Variants in BARD1 observed in about 807,000 individuals in gnomAD.
BARD1 encodes the protein BRCA1 associated RING domain 1.
BARD1 carries 73 observed loss-of-function variants against 77.0 expected under a neutral mutation model. The observed-to-expected ratio is 0.95, with a 90% confidence interval of 0.79 to 1.15. The LOEUF is 1.15. Among genes scored for constraint, BARD1 ranks in the 50% most tolerant of loss-of-function variants. BARD1 has a pLI of 0.00. For synonymous variants in BARD1, 384 were observed against 338.0 expected, an observed-to-expected ratio of 1.14 and a Z score of -1.49; for missense variants, 993 against 938.8, an observed-to-expected ratio of 1.06 and a Z score of -0.75.
rs1444375563 is a variant in BARD1, at chr2:214,792,369, T to C, written c.292A>G (p.Asn98Asp). Reference protein sequence around the residue: ...TPAWIQDLKINRQLDSMIQLC... With the variant: ...TPAWIQDLKIDRQLDSMIQLC... ...TGAATCATGCTGTCCAGTTGTCTAT[T>C]TATCTTCAAGTCTTGTATCCAGGCC... Residue 98 changes from asparagine to aspartate, a missense_variant, in exon 3 of 11, where the codon AAT becomes GAT. By Grantham distance (23) the Asn-to-Asp change is conservative (BLOSUM62 1). Coordinates refer to ENST00000260947, the MANE Select transcript of BARD1 (RefSeq NM_000465.4). 2 of 1,613,328 alleles carry C rather than the reference T, an allele frequency of 1.2e-6. No homozygotes were observed. Among genetic ancestry groups the C allele is most frequent in the Non-Finnish European group, 8.5e-7 (1 of 1,179,774 alleles).
intron 3 of BARD1, 45 bp from the exon 4 acceptor site, chr2:214,781,554 G>T: frequency 6.6e-7 from 1 of 1,521,646 alleles, no homozygotes. Context: ...GAAATTTATT[G>T]CTCCCACATG....
At chr2:214,735,981 C>A (rs1435066666) in intron 9 of BARD1, among the ~76,000 whole-genome samples, 2 of 151,940 alleles carry the variant, frequency 1.3e-5, no homozygotes, top group African/African-American at 4.8e-5. Context: ...GCTCTCAGAT[C>A]TCTCTCCCCC....
chr2:214,733,376 A>G lies in BARD1; in HGVS notation c.1904-2868T>C, dbSNP rs139685956. On this transcript the variant is annotated intron_variant, in intron 9 of 10. Coordinates refer to ENST00000260947, the MANE Select transcript of BARD1 (RefSeq NM_000465.4). Reference sequence around the variant, plus strand: ...CATATACGCTTTATACAGATAAAGCATATATGAAGATAATTTTATATACTA... The same window carrying G: ...CATATACGCTTTATACAGATAAAGCGTATATGAAGATAATTTTATATACTA... Among the ~76,000 whole-genome samples, 548 of 152,338 alleles carry G rather than the reference A, an allele frequency of 3.6e-3. 4 individuals carry two copies. Among genetic ancestry groups the G allele is most frequent in the African/African-American group, 0.012 (492 of 41,578 alleles).
chr2:214,746,690 T>C (rs1693133571), intron 7 of BARD1, among the ~76,000 whole-genome samples: 1 of 152,156 alleles, frequency 6.6e-6, no homozygotes. Flanking sequence ...TAAGATGATG[T>C]AACCACATCT....
Position 214,754,574 on chromosome 2 carries a change from G to C in BARD1, c.1569-2019C>G, listed in dbSNP as rs16852627. Among the ~76,000 whole-genome samples the C allele has an allele frequency of 1.6e-3, 246 of 152,276 alleles. 1 individual carries two copies. The highest frequency in any genetic ancestry group is 5.6e-3 in the African/African-American group (232 of 41,576). On this transcript the variant is annotated intron_variant, in intron 6 of 10. Transcript: ENST00000260947. ...CTTCTCAAAGTACCACCATCAGCTAGGGAGGAATATAAACCAAAAATCAGC... is the reference window on the plus strand; with the variant it reads ...CTTCTCAAAGTACCACCATCAGCTACGGAGGAATATAAACCAAAAATCAGC...
At chr2:214,736,006 A>G (rs550531981) in intron 9 of BARD1, among the ~76,000 whole-genome samples, 1 of 152,144 alleles carries the variant, frequency 6.6e-6, no homozygotes, top group Non-Finnish European at 1.5e-5. Flanking sequence ...TTTTAATATG[A>G]AAGTCATATT....
chr2:214,775,741 T>C (rs1290064263), intron 4 of BARD1, among the ~76,000 whole-genome samples: 9 of 152,206 alleles, frequency 5.9e-5, no homozygotes, highest in Non-Finnish European at 1.0e-4. Context: ...ACCTGGTCAA[T>C]GGCACAATAA....
At chr2:214,756,719 A>C (rs2106048861) in intron 6 of BARD1, among the ~76,000 whole-genome samples, 1 of 152,340 alleles carries the variant, frequency 6.6e-6, no homozygotes, top group South Asian at 2.1e-4. Flanking sequence ...TAGGTGACGT[A>C]ACTCAGGAGG....
Position 214,745,569 on chromosome 2 carries a change from T to G in BARD1, c.1810+153A>C, listed in dbSNP as rs189754693. The G allele has an allele frequency of 2.3e-4, 208 of 891,638 alleles. 1 individual carries two copies. In the African/African-American group the frequency reaches 3.1e-3, roughly 13 times the overall value. The allele number at this position is 891,638 out of a possible 1,614,324, so 55.2% of individuals were successfully genotyped here. A position where few individuals can be genotyped will look rare whatever the true frequency, so the allele number is the denominator to read the frequency against. The stretch of plus-strand genomic sequence containing the variant: ...ACGTTGTTGTCTATAAGTAGTTTAT[T>G]ACTGAAAAAAAATTTAGATGTATTA... On this transcript the variant is annotated intron_variant, in intron 8 of 10. Transcript: ENST00000260947.
Position 214,780,814 on chromosome 2 carries a change from A to T in BARD1, c.1060T>A (p.Ser354Thr), listed in dbSNP as rs863224670. 1 of 1,614,094 alleles carries T rather than the reference A, an allele frequency of 6.2e-7. No homozygotes were observed. Residue 354 changes from serine to threonine, a missense_variant, in exon 4 of 11, where the codon TCA (serine) becomes ACA (threonine). Coordinates refer to ENST00000260947, the MANE Select transcript of BARD1 (RefSeq NM_000465.4). Reference sequence around the variant, plus strand: ...CATTCAGGCAATGGTATATTTTCTGAGGGCACCGTTTGCTTAACAAAATCT... The same window carrying T: ...CATTCAGGCAATGGTATATTTTCTGTGGGCACCGTTTGCTTAACAAAATCT... Reference protein sequence around the residue: ...SGDFVKQTVPSENIPLPECSS... With the variant: ...SGDFVKQTVPTENIPLPECSS...
chr2:214,751,061 A>C (rs1273475161), intron 7 of BARD1, among the ~76,000 whole-genome samples: 1 of 139,830 alleles, frequency 7.2e-6, no homozygotes, highest in Non-Finnish European at 1.5e-5. Flanking sequence ...GACTTAGGAC[A>C]CCTTTCTCTG....
intron 1 of BARD1, among the ~76,000 whole-genome samples, chr2:214,802,107 G>C (rs1696051768): frequency 6.6e-6 from 1 of 152,096 alleles, no homozygotes; most frequent in African/African-American, 2.4e-5. Flanking sequence ...GACTCACAAT[G>C]GTTCGACTCA....
At chr2:214,748,022 GAACACATTA>G in intron 7 of BARD1, among the ~76,000 whole-genome samples, 1 of 151,840 alleles carries the variant, frequency 6.6e-6, no homozygotes, top group South Asian at 2.1e-4. Context: ...GCTCTAAACA[GAACACATTA>G]CTTCTCAATT....
intron 2 of BARD1, among the ~76,000 whole-genome samples, chr2:214,793,562 C>T (rs905764635): frequency 6.6e-6 from 1 of 152,090 alleles, no homozygotes; most frequent in Non-Finnish European, 1.5e-5. Context: ...TTGTGCAATA[C>T]TTAATTATCA....
At chr2:214,777,629 G>T (rs1299524362) in intron 4 of BARD1, among the ~76,000 whole-genome samples, 1 of 152,180 alleles carries the variant, frequency 6.6e-6, no homozygotes, top group Non-Finnish European at 1.5e-5. Flanking sequence ...ATTATCTTTT[G>T]ACAGCACAAA....
At chr2:214,765,919 T>C (rs1694174363) in intron 6 of BARD1, among the ~76,000 whole-genome samples, 1 of 152,216 alleles carries the variant, frequency 6.6e-6, no homozygotes, top group East Asian at 1.9e-4. Context: ...TGGTTTTCAA[T>C]TATGTTAAAT....
At chr2:214,741,386 T>C (rs1207109620) in intron 9 of BARD1, among the ~76,000 whole-genome samples, 2 of 152,150 alleles carry the variant, frequency 1.3e-5, no homozygotes, top group African/African-American at 2.4e-5. Context: ...TACAAAAAAA[T>C]TTTGAAAGCA....
At chr2:214,804,861 T>A (rs13392721) in intron 1 of BARD1, among the ~76,000 whole-genome samples, 3,996 of 152,228 alleles carry the variant, frequency 0.026, 176 homozygotes, top group African/African-American at 0.091. Context: ...GGCTCCATTT[T>A]AAAAATCTAT....
In BARD1 at chr2:214,727,659, C is replaced by G. The variant is rs1365397574; in HGVS notation, c.*1017G>C. ...CTCCCCATACCTACTTCTATACTTA[C>G]TGTATGGCCTTTTGTATGATCTGGA... On this transcript the variant is annotated 3_prime_UTR_variant, in exon 11 of 11. Coordinates refer to ENST00000260947, the MANE Select transcript of BARD1 (RefSeq NM_000465.4). The G allele has an allele frequency of 4.3e-6, 1 of 230,018 alleles. No homozygotes were observed. The highest frequency in any genetic ancestry group is 2.2e-5 in the African/African-American group (1 of 45,192). 14.2% of individuals were successfully genotyped at this position (230,018 alleles called of 1,614,324 possible). A position where few individuals can be genotyped will look rare whatever the true frequency, so the allele number is the denominator to read the frequency against.
Sources: gnomAD v4.1 joint callset for allele counts (sites outside exome capture counted in the v4.1 genomes callset) on GRCh38, gnomAD v4.1.1 for gene constraint, MANE v1.5 for transcripts, NCBI Gene and HGNC (gene_info 2026-07-23, HGNC 2026-07-21) for gene names.